Variants in TBC1D9B observed in about 807,000 individuals in gnomAD.
The protein encoded by TBC1D9B is TBC1 domain family, member 9B (with GRAM domain).
A neutral mutation model predicts 121.1 loss-of-function variants in TBC1D9B; 87 were observed. That is an observed-to-expected ratio of 0.72 (90% confidence interval 0.60 to 0.86). The LOEUF (loss-of-function observed/expected upper bound fraction) is 0.86. Ranked by LOEUF, TBC1D9B falls within the 40% of genes least tolerant of loss-of-function variation. TBC1D9B has a pLI of 0.00. For synonymous variants in TBC1D9B, 668 were observed against 670.1 expected (o/e 1.00, Z 0.05); for missense variants, 1,540 against 1,628.6 (o/e 0.95, Z 0.94).
At chr5:179,880,664 G>T (rs1760516339) in intron 7 of TBC1D9B, among the ~76,000 whole-genome samples, 1 of 151,822 alleles carries the variant, frequency 6.6e-6, no homozygotes, top group African/African-American at 2.4e-5. Flanking sequence ...GTACCAAATT[G>T]TATTCCTTAA....
At position 179,879,719 on chromosome 5, in the gene TBC1D9B, C is replaced by T. The variant is rs370360941; in HGVS notation, c.1325G>A (p.Ser442Asn). Residue 442 changes from serine to asparagine, a missense_variant, in exon 8 of 21, where the codon AGC (serine) becomes AAC (asparagine). By Grantham distance (46) the Ser-to-Asn change is conservative (BLOSUM62 1). Transcript: ENST00000355235. ...SPASPLSSRQ[S>N]FCAQEAPTAS... ...GGTTGGCGCCTCCTGCGCACAGAAGCTCTGGCGGCTGCTGAGGGGAGAGGC... is the reference window on the plus strand; with the variant it reads ...GGTTGGCGCCTCCTGCGCACAGAAGTTCTGGCGGCTGCTGAGGGGAGAGGC... The T allele has an allele frequency of 1.9e-6, 3 of 1,614,050 alleles. No homozygotes were observed. Among genetic ancestry groups the T allele is most frequent in the Middle Eastern group, 1.6e-4 (1 of 6,066 alleles).
intron 14 of TBC1D9B, chr5:179,871,759 T>TGGG: frequency 2.1e-6 from 1 of 482,174 alleles, no homozygotes; most frequent in Non-Finnish European, 3.8e-6. Flanking sequence ...AGGATGGGCG[T>TGGG]GGGGGAGTCT....
chr5:179,879,422 G>A (rs1430193872), intron 8 of TBC1D9B: 4 of 1,008,554 alleles, frequency 4.0e-6, no homozygotes, highest in Non-Finnish European at 5.7e-6. Context: ...CCTGGAGTCC[G>A]TGGCAAACAG....
intron 17 of TBC1D9B, 122 bp from the exon 18 acceptor site, chr5:179,867,971 CA>C (rs1760072127): frequency 3.5e-6 from 3 of 850,414 alleles, no homozygotes; most frequent in Non-Finnish European, 5.1e-6. Context: ...CCAGTCCCAG[CA>C]CCTGCCCATG....
At position 179,865,571 on chromosome 5, in the gene TBC1D9B, T is replaced by C. The variant is rs1759984494; in HGVS notation, c.2915-211A>G. ...GCTGCAGTGGTTGGACCTAAGCTGA[T>C]GACAATGATCCACAATGTCTTCTCT... On this transcript the variant is annotated intron_variant, in intron 19 of 20. Coordinates refer to ENST00000355235, the MANE Select transcript of TBC1D9B (RefSeq NM_015043.4). This position sits in a 1 kb window ranked among gnomAD's most constrained non-coding sequence, Gnocchi z 5.1. 4 of 621,208 alleles carry C rather than the reference T, an allele frequency of 6.4e-6. No homozygotes were observed. The highest frequency in any genetic ancestry group is 5.8e-5 in the Admixed American group (2 of 34,714). The allele number at this position is 621,208 out of a possible 1,614,324, so 38.5% of individuals were successfully genotyped here.
chr5:179,895,618 C>T (rs995131112), intron 3 of TBC1D9B, among the ~76,000 whole-genome samples: 1 of 152,198 alleles, frequency 6.6e-6, no homozygotes, highest in African/African-American at 2.4e-5. Flanking sequence ...CCCCAAGCCT[C>T]CTGGGGTAAA....
At position 179,899,189 on chromosome 5, in the gene TBC1D9B, G is replaced by A. The variant is rs781586750; in HGVS notation, c.348C>T (p.His116=). 5.6e-6 allele frequency: 9 copies of A among 1,602,900 alleles called. No homozygotes were observed. The highest frequency in any genetic ancestry group is 2.7e-5 in the African/African-American group (2 of 74,686). The part of the protein sequence containing the change: ...DITTFVKGKI[H]GIIAEENKNL... ...ACAGAGAGTGGCGGGTAAACCTTAC[G>A]TGTATCTTGCCCTTGACGAAGGTGG... Residue 116 remains histidine (H), a splice_region_variant and synonymous_variant, in exon 3 of 21, where the codon CAC becomes CAT. Coordinates refer to ENST00000355235, the MANE Select transcript of TBC1D9B (RefSeq NM_015043.4).
chr5:179,879,129 C>T lies in TBC1D9B; in HGVS notation c.1485G>A (p.Met495Ile). ...GTGCCCGCGTCTTGGCTGTGCGGTA[C>T]ATGCACACGCCACGCCCGTACTCGA... ...HFFEYGRGVCMYRTAKTRALV... is the reference protein window; with the variant it reads ...HFFEYGRGVCIYRTAKTRALV... The change falls in exon 9 of 21, where the codon ATG becomes ATA. Residue 495 changes from methionine to isoleucine, a missense_variant. By Grantham distance (10) the Met-to-Ile change is conservative (BLOSUM62 1). Transcript: ENST00000355235. 2 of 1,607,812 alleles carry T rather than the reference C, an allele frequency of 1.2e-6. No homozygotes were observed. Among genetic ancestry groups the T allele is most frequent in the Non-Finnish European group, 1.7e-6 (2 of 1,179,842 alleles).
chr5:179,886,149 G>GGCACTCCTGATCCCCT (rs1760677894), intron 7 of TBC1D9B, among the ~76,000 whole-genome samples: 1 of 152,076 alleles, frequency 6.6e-6, no homozygotes. Flanking sequence ...TCTTTCCCCT[G>GGCACTCCTGATCCCCT]GCACTCCTGA....
In TBC1D9B at chr5:179,870,737, CT is replaced by C. The variant is rs111706734; in HGVS notation, c.2485-243del. The stretch of plus-strand genomic sequence containing the variant: ...CCTTGGCAGCCTGCAGGGGGCAGAG[CT>C]GGTCTGCTGGCCCCAGAGAAGGGCT... On this transcript the variant is annotated intron_variant, in intron 15 of 20. Coordinates refer to ENST00000355235, the MANE Select transcript of TBC1D9B (RefSeq NM_015043.4). 2,270 of 556,278 alleles carry C rather than the reference CT, an allele frequency of 4.1e-3. 47 individuals are homozygous for C. The highest frequency in any genetic ancestry group is 0.039 in the African/African-American group (2,077 of 53,142). The allele number at this position is 556,278 out of a possible 1,614,324, so 34.5% of individuals were successfully genotyped here.
rs1561645105 is a variant in TBC1D9B at position 179,891,601 on chromosome 5, TAGG to T, written c.837-18_837-16del. On this transcript the variant is annotated splice_polypyrimidine_tract_variant and intron_variant, in intron 5 of 20. Transcript: ENST00000355235. The surrounding 1 kb of genome is among the most constrained non-coding windows in gnomAD (Gnocchi z 4.3). Reference sequence around the variant, plus strand: ...CGTCCAGGTCTCTGGGGAAACAAGGTAGGAGGACAGGAGGAAAGGGGACAAGGT... The same window carrying T: ...CGTCCAGGTCTCTGGGGAAACAAGGTAGGACAGGAGGAAAGGGGACAAGGT... 1.2e-6 allele frequency: 2 copies of T among 1,609,938 alleles called. No homozygotes were observed. Among genetic ancestry groups the T allele is most frequent in the African/African-American group, 1.3e-5 (1 of 74,734 alleles).
chr5:179,867,357 C>G, intron 18 of TBC1D9B: 1 of 1,407,380 alleles, frequency 7.1e-7, no homozygotes, highest in Non-Finnish European at 9.6e-7. Context: ...CCAGAGAGGT[C>G]CCTGGGACAA....
chr5:179,873,787 TGG>T (rs1247471004), intron 12 of TBC1D9B, among the ~76,000 whole-genome samples: 1 of 152,132 alleles, frequency 6.6e-6, no homozygotes, highest in South Asian at 2.1e-4. Context: ...TCTGGGTCCC[TGG>T]GCTGAGCCTG....
intron 16 of TBC1D9B, among the ~76,000 whole-genome samples, 161 bp downstream of exon 16, chr5:179,870,094 C>T (rs989958103): frequency 3.9e-5 from 6 of 152,142 alleles, no homozygotes; most frequent in African/African-American, 7.2e-5. Context: ...GACCCCATCT[C>T]GGCTCCCGTG....
rs576160185 is a variant in TBC1D9B, at chr5:179,898,962, G to A, written c.348+227C>T. On this transcript the variant is annotated intron_variant, in intron 3 of 20. Transcript: ENST00000355235. ...GCACTTGGGTAGGAATGGAAGCCCC[G>A]CACTAGGCTTCAGCAGCCTCCAGTG... Among the ~76,000 whole-genome samples, 5 of 152,294 alleles carry A rather than the reference G, an allele frequency of 3.3e-5. No homozygotes were observed. In the East Asian group the frequency reaches 5.8e-4, roughly 18 times the overall value.
At chr5:179,879,476 C>T (rs907438547) in intron 8 of TBC1D9B, 152 bp downstream of exon 8, 68 of 1,251,750 alleles carry the variant, frequency 5.4e-5, no homozygotes, top group Non-Finnish European at 7.3e-5. Context: ...GTGCCTGCTC[C>T]GTCTCACGCT....
intron 3 of TBC1D9B, 50 bp downstream of exon 3, chr5:179,899,139 C>T: frequency 2.0e-6 from 3 of 1,472,148 alleles, no homozygotes; most frequent in Non-Finnish European, 2.8e-6. Flanking sequence ...TACACGAGAA[C>T]ACTGCTGGCC....
chr5:179,881,126 G>A (rs866664243), intron 7 of TBC1D9B, among the ~76,000 whole-genome samples: 26 of 152,330 alleles, frequency 1.7e-4, no homozygotes, highest in Admixed American at 5.2e-4. Context: ...GGCGGCAAGC[G>A]TGGCACCAAG....
Position 179,885,590 on chromosome 5 carries a change from C to G in TBC1D9B, c.1254+2513G>C, listed in dbSNP as rs999070670. On this transcript the variant is annotated intron_variant, in intron 7 of 20. Transcript: ENST00000355235. This position sits in a 1 kb window ranked among gnomAD's most constrained non-coding sequence, Gnocchi z 4.5. The stretch of plus-strand genomic sequence containing the variant: ...GGTGACAGAGCAAGACTCTGTCCCC[C>G]CCCCAAAAAAAAAAAGATGGAGGTA... Among the ~76,000 whole-genome samples, 2 of 123,984 alleles carry G rather than the reference C, an allele frequency of 1.6e-5. No homozygotes were observed. Among genetic ancestry groups the G allele is most frequent in the Admixed American group, 9.8e-5 (1 of 10,190 alleles). 81.3% of individuals were successfully genotyped at this position (123,984 alleles called of 152,430 possible). A position where few individuals can be genotyped will look rare whatever the true frequency, so the allele number is the denominator to read the frequency against.
Sources: gnomAD v4.1 joint callset for allele counts (sites outside exome capture counted in the v4.1 genomes callset) on GRCh38, gnomAD v4.1.1 for gene constraint, Gnocchi (gnomAD v3.1) non-coding constraint, MANE v1.5 for transcripts, NCBI Gene and HGNC (gene_info 2026-07-23, HGNC 2026-07-21) for gene names.